The following MYO16 variants were observed in gnomAD, a reference collection of about 807,000 sequenced individuals.
MYO16 encodes the protein unconventional myosin-XVI.
A neutral mutation model predicts 205.3 loss-of-function variants in MYO16; 94 were observed. The ratio of observed to expected loss-of-function variants is 0.46; its 90% CI spans 0.39 to 0.54. The LOEUF (loss-of-function observed/expected upper bound fraction) is 0.54, where lower values mean the gene tolerates loss of function less well. Ranked by LOEUF, MYO16 falls within the 20% of genes least tolerant of loss-of-function variation. The pLI is 0.00. For synonymous variants in MYO16, 988 were observed against 954.0 expected, an observed-to-expected ratio of 1.04 and a Z score of -0.66; for missense variants, 2,315 against 2,387.5, an observed-to-expected ratio of 0.97 and a Z score of 0.63.
At chr13:108,502,445 G>A in the MYO16 span, among the ~76,000 whole-genome samples, 647 of 152,254 alleles carry the variant, frequency 4.2e-3, 2 homozygotes, top group Non-Finnish European at 7.2e-3. Context: ...AAAAATGCTT[G>A]AAGATGTAGA....
At chr13:108,797,110 C>T (rs1487843488) in intron 6 of MYO16, among the ~76,000 whole-genome samples, 1 of 151,998 alleles carries the variant, frequency 6.6e-6, no homozygotes, top group East Asian at 1.9e-4. Context: ...TAGAATGACT[C>T]CAAGCATTTT....
chr13:108,570,499 C>G, the MYO16 span, among the ~76,000 whole-genome samples: 1 of 152,188 alleles, frequency 6.6e-6, no homozygotes, highest in Non-Finnish European at 1.5e-5. Context: ...TTCCTCCCAC[C>G]TTTGCCTCTC....
intron 4 of MYO16, among the ~76,000 whole-genome samples, chr13:108,729,231 G>T (rs1294379883): frequency 2.0e-5 from 3 of 151,786 alleles, no homozygotes; most frequent in Non-Finnish European, 4.4e-5. Context: ...CACCATAAAG[G>T]CCATAGAATT....
chr13:109,123,666 C>G (rs1876104835), intron 29 of MYO16, among the ~76,000 whole-genome samples: 1 of 152,166 alleles, frequency 6.6e-6, no homozygotes, highest in South Asian at 2.1e-4. Context: ...TGCATTCCAA[C>G]ATAACTAAAC....
At chr13:109,010,876 A>T (rs1462421074) in intron 22 of MYO16, among the ~76,000 whole-genome samples, 1 of 150,582 alleles carries the variant, frequency 6.6e-6, no homozygotes, top group Non-Finnish European at 1.5e-5. Context: ...AACATCACAG[A>T]TGGAACCAGT....
intron 34 of MYO16, among the ~76,000 whole-genome samples, chr13:109,183,269 G>A (rs1191087127): frequency 2.0e-5 from 3 of 152,162 alleles, no homozygotes; most frequent in Non-Finnish European, 4.4e-5. Flanking sequence ...TGACTTCTTC[G>A]CATTTTTTGC....
chr13:108,895,084 AT>A (rs1232096551), intron 14 of MYO16, among the ~76,000 whole-genome samples: 1 of 152,144 alleles, frequency 6.6e-6, no homozygotes, highest in Non-Finnish European at 1.5e-5. Flanking sequence ...TTGAGTTAAT[AT>A]TTTTTATAGA....
In MYO16 at chr13:108,714,883, C is replaced by T. The variant is rs978082785; in HGVS notation, c.363+2152C>T. ...AAGCCACACCACCACCATCTCTCAT[C>T]CCCTCGACAGCTGCCAGTCGGTTTT... On this transcript the variant is annotated intron_variant, in intron 3 of 34. Transcript: ENST00000457511. Among the ~76,000 whole-genome samples, 12 of 152,252 alleles carry T rather than the reference C, an allele frequency of 7.9e-5. No individual in the cohort carries two copies. In the East Asian group the frequency reaches 2.3e-3, roughly 29 times the overall value.
chr13:109,106,804 T>C lies in MYO16; in HGVS notation c.3438+5917T>C, dbSNP rs142988840. On this transcript the variant is annotated intron_variant, in intron 28 of 34. Coordinates refer to ENST00000457511, the MANE Select transcript of MYO16 (RefSeq NM_001198950.3). ...CTTTCCCAGTGGTACTTTTCACTGA[T>C]AGTTCAAGAAGATGTCGAGAACTTC... is the stretch of plus-strand genomic sequence containing the variant. Among the ~76,000 whole-genome samples the C allele has an allele frequency of 7.9e-5, 12 of 152,310 alleles. No individual in the cohort carries two copies. The East Asian group carries it at 2.3e-3, about 29-fold the overall frequency.
At chr13:108,931,544 G>T (rs1354537146) in intron 16 of MYO16, among the ~76,000 whole-genome samples, 3 of 152,114 alleles carry the variant, frequency 2.0e-5, no homozygotes, top group Non-Finnish European at 4.4e-5. Context: ...AGCATCCTCT[G>T]TGTGTATCTG....
At chr13:108,544,501 T>C in the MYO16 span, among the ~76,000 whole-genome samples, 5 of 152,218 alleles carry the variant, frequency 3.3e-5, no homozygotes, top group Admixed American at 6.5e-5. Flanking sequence ...ATTCATCCCT[T>C]CAAGCATTTG....
intron 4 of MYO16, among the ~76,000 whole-genome samples, chr13:108,767,555 G>A (rs2139669088): frequency 6.6e-6 from 1 of 152,258 alleles, no homozygotes. Flanking sequence ...TGTTAACATG[G>A]TTGGGTCTCA....
intron 1 of MYO16, among the ~76,000 whole-genome samples, chr13:108,601,025 C>T (rs1878744362): frequency 6.6e-6 from 1 of 152,004 alleles, no homozygotes; most frequent in South Asian, 2.1e-4. Context: ...TACTTGAGGG[C>T]TTCTTGTGTG....
intron 34 of MYO16, among the ~76,000 whole-genome samples, chr13:109,183,869 G>A (rs779748024): frequency 3.9e-5 from 6 of 152,150 alleles, no homozygotes; most frequent in Admixed American, 1.3e-4. Context: ...GCCATAATAA[G>A]ATCAATATGC....
intron 16 of MYO16, among the ~76,000 whole-genome samples, chr13:108,924,570 A>T (rs1264167099): frequency 6.6e-6 from 1 of 152,230 alleles, no homozygotes; most frequent in Non-Finnish European, 1.5e-5. Context: ...GGAATCGCTT[A>T]GATCCAGATT....
intron 2 of MYO16, among the ~76,000 whole-genome samples, chr13:108,709,288 G>A (rs2139540553): frequency 6.6e-6 from 1 of 152,286 alleles, no homozygotes; most frequent in Admixed American, 6.5e-5. Flanking sequence ...TATTTTAACA[G>A]AAATTTGGGT....
intron 33 of MYO16, among the ~76,000 whole-genome samples, chr13:109,168,218 CTT>C (rs1160444041): frequency 2.0e-5 from 3 of 151,878 alleles, no homozygotes; most frequent in Admixed American, 2.0e-4. Flanking sequence ...TGAAAATAAA[CTT>C]TATTTAATTA....
intron 20 of MYO16, among the ~76,000 whole-genome samples, chr13:108,977,272 A>G (rs1256858831): frequency 1.3e-5 from 2 of 152,150 alleles, no homozygotes; most frequent in East Asian, 1.9e-4. Context: ...CACCTAGTTC[A>G]CTATTGGTGG....
In MYO16 at chr13:108,724,245, CGA is replaced by C. The variant is rs1298907620; in HGVS notation, c.364-3194_364-3193del. Among the ~76,000 whole-genome samples the C allele has an allele frequency of 7.2e-5, 11 of 152,174 alleles. No homozygotes were observed. In the East Asian group the frequency reaches 1.9e-3, roughly 27 times the overall value. ...TCTACATAGATGATCATGTCATATG[CGA>C]ATAATGGCAGTTTTAATATTTGCTT... On this transcript the variant is annotated intron_variant, in intron 3 of 34. Coordinates refer to ENST00000457511, the MANE Select transcript of MYO16 (RefSeq NM_001198950.3).
Sources: allele counts gnomAD v4.1 joint callset (sites outside exome capture counted in the v4.1 genomes callset), GRCh38; gene constraint gnomAD v4.1.1; transcripts MANE v1.5; gene names NCBI Gene and HGNC (gene_info 2026-07-23, HGNC 2026-07-21).